GBP7: variants seen among roughly 807,000 people sequenced by gnomAD.
The protein encoded by GBP7 is guanylate binding protein 7.
A neutral mutation model predicts 61.3 loss-of-function variants in GBP7; 43 were observed. That is an observed-to-expected ratio of 0.70 (90% CI 0.55 to 0.91). GBP7 has a LOEUF of 0.91. Among genes scored for constraint, GBP7 ranks in the 40% least tolerant of loss-of-function variants. GBP7 has a pLI of 0.00. For missense variants in GBP7, 717 were observed against 740.5 expected (o/e 0.97, Z 0.37); for synonymous variants, 267 against 271.0 (o/e 0.99, Z 0.14).
At chr1:89,152,145 A>G (rs1348986504) in intron 5 of GBP7, 123 bp downstream of exon 5, 3 of 768,556 alleles carry the variant, frequency 3.9e-6, no homozygotes, top group East Asian at 5.0e-5. Context: ...TCAATCACCA[A>G]CCACCATGAG....
At chr1:89,141,990 C>T (rs1234191048) in intron 8 of GBP7, among the ~76,000 whole-genome samples, 1 of 152,126 alleles carries the variant, frequency 6.6e-6, no homozygotes, top group Non-Finnish European at 1.5e-5. Context: ...TTTCTTTTGC[C>T]TGAAGGCCTG....
rs1256805620 is a variant in GBP7, at chr1:89,133,312, CCT to C, written c.1606_1607del (p.Arg536GlyfsTer26). Reference sequence around the variant, plus strand: ...GTTCTCTCATATAGTTTTCCCTTTCCCTCTCCATCTTCTTCTTGAGTTGAGCT... The same window carrying C: ...GTTCTCTCATATAGTTTTCCCTTTCCCTCCATCTTCTTCTTGAGTTGAGCT... ...NIAQLKKKMERERENYMRELR... is the reference protein window; with the variant it reads ...NIAQLKKKMEXERENYMRELR... On this transcript the variant is annotated frameshift_variant, in exon 10 of 11. Transcript: ENST00000294671. LOFTEE classifies it high-confidence loss of function. 1 of 1,613,878 alleles carries C rather than the reference CCT, an allele frequency of 6.2e-7. No individual in the cohort carries two copies. The highest frequency in any genetic ancestry group is 8.5e-7 in the Non-Finnish European group (1 of 1,179,972).
intron 3 of GBP7, among the ~76,000 whole-genome samples, chr1:89,160,876 T>C (rs890452416): frequency 2.6e-5 from 4 of 151,998 alleles, no homozygotes; most frequent in African/African-American, 9.7e-5. Flanking sequence ...TATTATTTCA[T>C]CTCCCAGGTA....
rs1557464464 is a variant in GBP7 at position 89,164,733 on chromosome 1, T to C, written c.316A>G (p.Lys106Glu). 2 of 1,613,688 alleles carry C rather than the reference T, an allele frequency of 1.2e-6. No homozygotes were observed. The highest frequency in any genetic ancestry group is 1.7e-6 in the Non-Finnish European group (2 of 1,179,682). Reference sequence around the variant, plus strand: ...ATTTCTCTATGTCTCTTTCTTACCTTTTCCATATCACCCAGGCCCTCCGTG... The same window carrying C: ...ATTTCTCTATGTCTCTTTCTTACCTCTTCCATATCACCCAGGCCCTCCGTG... ...LDTEGLGDMEKSDPKSDSWIF... is the reference protein window; with the variant it reads ...LDTEGLGDMEESDPKSDSWIF... Residue 106 changes from lysine to glutamate, a missense_variant and splice_region_variant, in exon 3 of 11, where the codon AAG becomes GAG. Physicochemically the swap from Lys to Glu is moderately conservative, Grantham distance 56. Coordinates refer to ENST00000294671, the MANE Select transcript of GBP7 (RefSeq NM_207398.3).
chr1:89,152,927 T>A, intron 3 of GBP7, 150 bp from the exon 4 acceptor site: 2 of 507,218 alleles, frequency 3.9e-6, no homozygotes, highest in East Asian at 3.0e-5. Context: ...AAGCTTTATA[T>A]GCTTGCCAGC....
At chr1:89,148,821 T>C (rs1369163136) in intron 7 of GBP7, among the ~76,000 whole-genome samples, 1 of 152,180 alleles carries the variant, frequency 6.6e-6, no homozygotes, top group Non-Finnish European at 1.5e-5. Context: ...CAAGTGCTTC[T>C]TTATTTTACC....
chr1:89,172,760 CT>C (rs58362214), intron 1 of GBP7, among the ~76,000 whole-genome samples: 24 of 147,948 alleles, frequency 1.6e-4, no homozygotes, highest in Non-Finnish European at 1.9e-4. Flanking sequence ...TCTCATCATA[CT>C]TTTTTTTTTT....
chr1:89,136,654 A>C (rs1681808960), intron 9 of GBP7, among the ~76,000 whole-genome samples: 1 of 152,178 alleles, frequency 6.6e-6, no homozygotes, highest in Admixed American at 6.5e-5. Flanking sequence ...ACACAACTAG[A>C]GCAGTGTTAA....
intron 1 of GBP7, among the ~76,000 whole-genome samples, chr1:89,172,559 C>G (rs1056600765): frequency 6.6e-5 from 10 of 152,014 alleles, no homozygotes; most frequent in African/African-American, 2.4e-4. Context: ...AAGTGATGTT[C>G]TGCCATTTTC....
At chr1:89,140,896 A>T (rs1681926469) in intron 9 of GBP7, among the ~76,000 whole-genome samples, 1 of 152,214 alleles carries the variant, frequency 6.6e-6, no homozygotes, top group South Asian at 2.1e-4. Context: ...TGTTCTTTGC[A>T]GCACTGTGGA....
At chr1:89,154,780 A>C (rs1363928047) in intron 3 of GBP7, among the ~76,000 whole-genome samples, 1 of 146,886 alleles carries the variant, frequency 6.8e-6, no homozygotes, top group African/African-American at 2.5e-5. Flanking sequence ...ACTTAATGAA[A>C]TACCATGAAA....
At chr1:89,161,888 T>C (rs1253602462) in intron 3 of GBP7, among the ~76,000 whole-genome samples, 1 of 152,044 alleles carries the variant, frequency 6.6e-6, no homozygotes, top group Admixed American at 6.6e-5. Flanking sequence ...TTTTCCAGGG[T>C]TTTTATAGTT....
At chr1:89,159,528 C>T (rs1401923017) in intron 3 of GBP7, among the ~76,000 whole-genome samples, 2 of 151,590 alleles carry the variant, frequency 1.3e-5, no homozygotes, top group Non-Finnish European at 1.5e-5. Flanking sequence ...AAAAATCAAA[C>T]AACCCCATCA....
chr1:89,164,607 G>A (rs548890850), intron 3 of GBP7, 124 bp downstream of exon 3: 304 of 971,370 alleles, frequency 3.1e-4, no homozygotes, highest in Admixed American at 6.0e-4. Flanking sequence ...ATGAAATTTA[G>A]CTTTGTTTCC....
At chr1:89,156,731 G>A (rs986063000) in intron 3 of GBP7, among the ~76,000 whole-genome samples, 8 of 152,158 alleles carry the variant, frequency 5.3e-5, no homozygotes, top group Non-Finnish European at 1.0e-4. Context: ...CCTACAAAGA[G>A]ACTTAGACTC....
intron 2 of GBP7, among the ~76,000 whole-genome samples, chr1:89,169,590 TTG>T (rs1366727930): frequency 1.3e-5 from 2 of 152,214 alleles, no homozygotes; most frequent in Non-Finnish European, 2.9e-5. Flanking sequence ...TCTTCTAGGT[TTG>T]TCCAACCCAA....
Position 89,150,357 on chromosome 1 carries a change from T to C in GBP7, c.844A>G (p.Arg282Gly), listed in dbSNP as rs1412168093. The stretch of plus-strand genomic sequence containing the variant: ...TTTCCAGTGACAAGGATTCCCTCTC[T>C]CAGGGTCTTGGTCTTTGCATGGGTG... ...IFTHAKTKTL[R>G]EGILVTGNRL... The change falls in exon 6 of 11, where the codon AGA becomes GGA. Residue 282 changes from arginine (R) to glycine (G), a missense_variant. Arg to Gly is a moderately radical substitution (Grantham distance 125). Around this residue, in one of 3 missense-constraint regions of GBP7, gnomAD observed 387 missense variants for 385.2 expected, o/e 1.00. Coordinates refer to ENST00000294671, the MANE Select transcript of GBP7 (RefSeq NM_207398.3). 1.9e-6 allele frequency: 3 copies of C among 1,613,816 alleles called. 1 individual carries two copies. In the South Asian group the frequency reaches 3.3e-5, roughly 18 times the overall value.
intron 9 of GBP7, among the ~76,000 whole-genome samples, chr1:89,140,262 C>G (rs990521923): frequency 8.2e-5 from 10 of 122,600 alleles, no homozygotes; most frequent in Non-Finnish European, 1.3e-4. Context: ...GACACAGGAA[C>G]AGGAACATCA....
At chr1:89,166,315 G>A (rs1279502663) in intron 2 of GBP7, among the ~76,000 whole-genome samples, 1 of 152,032 alleles carries the variant, frequency 6.6e-6, no homozygotes, top group African/African-American at 2.4e-5. Flanking sequence ...ATTCTGACAT[G>A]GGAAGGACAG....
Sources: allele counts gnomAD v4.1 joint callset (sites outside exome capture counted in the v4.1 genomes callset), GRCh38; gene constraint gnomAD v4.1.1; regional missense constraint gnomAD v4.1.1; transcripts MANE v1.5; gene names NCBI Gene and HGNC (gene_info 2026-07-23, HGNC 2026-07-21).